Variants in OTULIN observed in about 807,000 individuals in gnomAD.
OTULIN encodes OTU deubiquitinase with linear linkage specificity, also known as ubiquitin thioesterase otulin.
In OTULIN, 15 loss-of-function variants were observed where a neutral mutation model predicts 39.6. That is an observed-to-expected ratio of 0.38 (90% CI 0.25 to 0.58). The LOEUF (loss-of-function observed/expected upper bound fraction) is 0.58, where lower values mean the gene tolerates loss of function less well. OTULIN is among the 20% of genes least tolerant of loss of function. The pLI, the probability that OTULIN is intolerant of heterozygous loss-of-function variation, is 0.66. For synonymous variants in OTULIN, 156 were observed against 170.3 expected, an observed-to-expected ratio of 0.92 and a Z score of 0.65; for missense variants, 319 against 445.9, an observed-to-expected ratio of 0.72 and a Z score of 2.56.
Position 14,696,752 on chromosome 5 carries a change from A to AATACAGAATTATGTAT in OTULIN, c.*3704_*3705insATACAGAATTATGTAT, listed in dbSNP as rs573761601. The AATACAGAATTATGTAT allele has an allele frequency of 2.0e-3, 301 of 152,314 alleles. 2 individuals carry two copies. Among genetic ancestry groups the AATACAGAATTATGTAT allele is most frequent in the African/African-American group, 6.9e-3 (287 of 41,578 alleles). The allele number at this position is 152,314 out of a possible 1,614,324, so 9.4% of individuals were successfully genotyped here. On this transcript the variant is annotated 3_prime_UTR_variant, in exon 7 of 7. Coordinates refer to ENST00000284274, the MANE Select transcript of OTULIN (RefSeq NM_138348.6). The stretch of plus-strand genomic sequence containing the variant: ...CCTATTTCTAAAATTTAAGTCCCTT[A>AATACAGAATTATGTAT]TTTAACAGAAGTATGTATTTTAATG...
the OTULIN span, chr5:14,711,328 C>T: frequency 6.2e-7 from 1 of 1,606,286 alleles, no homozygotes; most frequent in Non-Finnish European, 8.5e-7. Context: ...AAAGAAGACT[C>T]ATCAGTGTGG....
the OTULIN span, chr5:14,706,893 G>A: frequency 6.6e-6 from 1 of 152,188 alleles, no homozygotes; most frequent in African/African-American, 2.4e-5. Context: ...GTGTGAGGGC[G>A]ATGTCTACAG....
In OTULIN at chr5:14,692,814, T is replaced by C. The variant is rs369996201; in HGVS notation, c.865-40T>C. ...CATGGTGTTAAGCCACGTTTTTCAGTGTGATCTTCCTCAGAATACCCGTTT... is the reference window on the plus strand; with the variant it reads ...CATGGTGTTAAGCCACGTTTTTCAGCGTGATCTTCCTCAGAATACCCGTTT... On this transcript the variant is annotated intron_variant, in intron 6 of 6. Coordinates refer to ENST00000284274, the MANE Select transcript of OTULIN (RefSeq NM_138348.6). The C allele has an allele frequency of 3.8e-6, 6 of 1,588,972 alleles. No individual in the cohort carries two copies. The African/African-American group carries it at 4.0e-5, about 11-fold the overall frequency.
At chr5:14,711,088 CCAAAACAAAA>C in the OTULIN span, 3 of 1,026,988 alleles carry the variant, frequency 2.9e-6, no homozygotes, top group African/African-American at 1.6e-5. Context: ...TCTTTCATTA[CCAAAACAAAA>C]CAAAAAAAAG....
At chr5:14,669,130 G>A (rs1327200901) in intron 1 of OTULIN, among the ~76,000 whole-genome samples, 1 of 150,954 alleles carries the variant, frequency 6.6e-6, no homozygotes, top group African/African-American at 2.4e-5. Context: ...TTTGGAGGCT[G>A]AGGCAGGCAG....
At chr5:14,703,411 C>T (rs1421767088), downstream of OTULIN, among the ~76,000 whole-genome samples, 1 of 148,324 alleles carries the variant, frequency 6.7e-6, no homozygotes, top group Non-Finnish European at 1.5e-5. Flanking sequence ...AAATTCTCCA[C>T]GATTTTTCTC....
chr5:14,681,747 G>A (rs1736257178), intron 4 of OTULIN, 140 bp downstream of exon 4: 2 of 1,012,654 alleles, frequency 2.0e-6, no homozygotes, highest in African/African-American at 1.6e-5. Context: ...TTGTGTGGCT[G>A]GGGTGATTTC....
chr5:14,667,399 G>T (rs1298876384), intron 1 of OTULIN, among the ~76,000 whole-genome samples: 1 of 152,216 alleles, frequency 6.6e-6, no homozygotes, highest in Non-Finnish European at 1.5e-5. Flanking sequence ...TTGTGAGACA[G>T]GGTCGCTCTC....
In OTULIN at chr5:14,678,784, C is replaced by T. The variant is rs1266793706; in HGVS notation, c.324+9C>T. 1.9e-6 allele frequency: 3 copies of T among 1,554,672 alleles called. No homozygotes were observed. In the East Asian group the frequency reaches 6.8e-5, roughly 35 times the overall value. The stretch of plus-strand genomic sequence containing the variant: ...CAACGTGTATGAAAATGGTATGACA[C>T]AGAGGTGCACATATTTCAGGTCTTT... On this transcript the variant is annotated intron_variant, in intron 3 of 6. Transcript: ENST00000284274.
intron 2 of OTULIN, among the ~76,000 whole-genome samples, chr5:14,678,300 A>G (rs1225766185): frequency 6.6e-6 from 1 of 152,064 alleles, no homozygotes; most frequent in African/African-American, 2.4e-5. Context: ...CTCAGTGGGG[A>G]ATGGTAGGAG....
chr5:14,715,212 A>C, the OTULIN span, among the ~76,000 whole-genome samples: 1 of 151,940 alleles, frequency 6.6e-6, no homozygotes, highest in Non-Finnish European at 1.5e-5. Flanking sequence ...ACTCACTGCA[A>C]TCTCTGCCTC....
intron 1 of OTULIN, among the ~76,000 whole-genome samples, 162 bp from the exon 2 acceptor site, chr5:14,673,480 T>C (rs1736027678): frequency 6.6e-6 from 1 of 152,240 alleles, no homozygotes; most frequent in South Asian, 2.1e-4. Flanking sequence ...ATAAGCATCT[T>C]TATTCTTAAG....
rs1266874292 is a variant in OTULIN at position 14,694,256 on chromosome 5, C to G, written c.*1208C>G. ...GGGAAGCCTGAGGGAGGCAGCCTTC[C>G]TGGCTATGAGCCATCGCCTGCCCAA... On this transcript the variant is annotated 3_prime_UTR_variant, in exon 7 of 7. Transcript: ENST00000284274. 1 of 152,330 alleles carries G rather than the reference C, an allele frequency of 6.6e-6. No individual in the cohort carries two copies. Among genetic ancestry groups the G allele is most frequent in the Non-Finnish European group, 1.5e-5 (1 of 68,114 alleles). The allele number at this position is 152,330 out of a possible 1,614,324, so 9.4% of individuals were successfully genotyped here.
At position 14,698,102 on chromosome 5, in the gene OTULIN, CCATT is replaced by C. The variant is rs1449320242; in HGVS notation, c.*5055_*5058del. The C allele has an allele frequency of 6.6e-6, 1 of 152,202 alleles. No homozygotes were observed. Among genetic ancestry groups the C allele is most frequent in the Non-Finnish European group, 1.5e-5 (1 of 68,032 alleles). The allele number at this position is 152,202 out of a possible 1,614,324, so 9.4% of individuals were successfully genotyped here. On this transcript the variant is annotated 3_prime_UTR_variant, in exon 7 of 7. Coordinates refer to ENST00000284274, the MANE Select transcript of OTULIN (RefSeq NM_138348.6). The stretch of plus-strand genomic sequence containing the variant: ...TATTTAATAAGCTTCTTTCTCATTT[CCATT>C]GTTTTTATAAAAATATTTTGGTATT...
intron 4 of OTULIN, 57 bp from the exon 5 acceptor site, chr5:14,687,464 T>C (rs1429601424): frequency 6.3e-7 from 1 of 1,575,510 alleles, no homozygotes; most frequent in African/African-American, 1.4e-5. Flanking sequence ...TTGGATTGTG[T>C]GGTGGATTTC....
chr5:14,667,795 C>A (rs537260775), intron 1 of OTULIN, among the ~76,000 whole-genome samples: 1 of 152,198 alleles, frequency 6.6e-6, no homozygotes, highest in Non-Finnish European at 1.5e-5. Context: ...TGGACAAGTC[C>A]TAAGGATGGC....
chr5:14,678,857 A>G, intron 3 of OTULIN, 82 bp downstream of exon 3: 1 of 921,380 alleles, frequency 1.1e-6, no homozygotes, highest in South Asian at 2.0e-5. Flanking sequence ...ATATTTTTAG[A>G]CATTAGTTAA....
rs1373265347 is a variant in OTULIN, at chr5:14,681,614, T to C, written c.468+7T>C. On this transcript the variant is annotated splice_region_variant and intron_variant, in intron 4 of 6. Transcript: ENST00000284274. The stretch of plus-strand genomic sequence containing the variant: ...GGACCCGGAGCTCATGCTGGTACGC[T>C]GCTGCTGCAGGTTTGAGTCCAAAAT... 1 of 1,598,994 alleles carries C rather than the reference T, an allele frequency of 6.3e-7. No homozygotes were observed. The highest frequency in any genetic ancestry group is 8.5e-7 in the Non-Finnish European group (1 of 1,175,938).
chr5:14,676,370 G>T (rs1198148218), intron 2 of OTULIN, among the ~76,000 whole-genome samples: 2 of 152,226 alleles, frequency 1.3e-5, no homozygotes, highest in Non-Finnish European at 2.9e-5. Context: ...GTACTGCCTT[G>T]TCCTGCATCT....
Sources: gnomAD v4.1 joint callset for allele counts (sites outside exome capture counted in the v4.1 genomes callset) on GRCh38, gnomAD v4.1.1 for gene constraint, MANE v1.5 for transcripts, NCBI Gene and HGNC (gene_info 2026-07-23, HGNC 2026-07-21) for gene names.